Variants in NLRC3 observed in about 807,000 individuals in gnomAD.
NLRC3 encodes NLR family CARD domain containing 3, also known as NLR family CARD domain-containing protein 3.
A neutral mutation model predicts 91.6 loss-of-function variants in NLRC3; 87 were observed. The ratio of observed to expected loss-of-function variants is 0.95; its 90% confidence interval spans 0.80 to 1.14. The LOEUF is 1.14. Ranked by LOEUF, NLRC3 falls within the 50% of genes most tolerant of loss-of-function variation. The pLI is 0.00. For synonymous variants in NLRC3, 694 were observed against 625.3 expected (o/e 1.11, Z -1.64); for missense variants, 1,577 against 1,418.6 (o/e 1.11, Z -1.79).
chr16:3,552,084 T>C, intron 10 of NLRC3, 112 bp downstream of exon 10: 1 of 704,946 alleles, frequency 1.4e-6, no homozygotes, highest in South Asian at 1.7e-5. Flanking sequence ...CATCCATCCA[T>C]TCACCTATCC....
rs531675499 is a variant in NLRC3, at chr16:3,539,877, A to G, written c.*1948T>C. On this transcript the variant is annotated 3_prime_UTR_variant, in exon 20 of 20. Coordinates refer to ENST00000359128, the MANE Select transcript of NLRC3 (RefSeq NM_178844.4). ...TCTCTGTAATCTTTAATTTCACGCT[A>G]TCTGCAATGTTTTGTGTTTTTCATG... The G allele has an allele frequency of 2.0e-5, 3 of 152,178 alleles. No individual in the cohort carries two copies. Among genetic ancestry groups the G allele is most frequent in the African/African-American group, 7.2e-5 (3 of 41,448 alleles). The allele number at this position is 152,178 out of a possible 1,614,324, so 9.4% of individuals were successfully genotyped here.
rs1253546459 is a variant in NLRC3, at chr16:3,561,799, G to C, written c.1929-11C>G. On this transcript the variant is annotated splice_polypyrimidine_tract_variant and intron_variant, in intron 5 of 19. Coordinates refer to ENST00000359128, the MANE Select transcript of NLRC3 (RefSeq NM_178844.4). The stretch of plus-strand genomic sequence containing the variant: ...TGGTTGGTGTCCAGCCTGGCCAAGG[G>C]GAGCAGTGACAGTGAGTGTCCCACC... The C allele has an allele frequency of 6.2e-7, 1 of 1,609,356 alleles. No individual in the cohort carries two copies. Among genetic ancestry groups the C allele is most frequent in the African/African-American group, 1.3e-5 (1 of 74,854 alleles).
At chr16:3,545,800 A>C (rs2038662464) in intron 15 of NLRC3, 1 of 152,250 alleles carries the variant, frequency 6.6e-6, no homozygotes. Flanking sequence ...GGAAGTGAGA[A>C]ATGAGTCCAG....
intron 11 of NLRC3, 55 bp from the exon 12 acceptor site, chr16:3,549,835 G>A: frequency 1.5e-6 from 2 of 1,323,470 alleles, no homozygotes; most frequent in South Asian, 1.3e-5. Flanking sequence ...AGAGGGAGCT[G>A]CCCTGTCCCA....
At chr16:3,562,640 C>CAA (rs973412849) in intron 5 of NLRC3, among the ~76,000 whole-genome samples, 1 of 150,082 alleles carries the variant, frequency 6.7e-6, no homozygotes, top group South Asian at 2.1e-4. Flanking sequence ...GACTCCATCT[C>CAA]AAAAAAAAAG....
Position 3,577,371 on chromosome 16 carries a change from C to T in NLRC3, c.-391G>A. 1.7e-6 allele frequency: 1 copy of T among 577,746 alleles called. No individual in the cohort carries two copies. Among genetic ancestry groups the T allele is most frequent in the Non-Finnish European group, 3.1e-6 (1 of 325,110 alleles). The allele number at this position is 577,746 out of a possible 1,614,324, so 35.8% of individuals were successfully genotyped here. A position where few individuals can be genotyped will look rare whatever the true frequency, so the allele number is the denominator to read the frequency against. ...CAGTGCAGCCCCGACCTTCTGCAGC[C>T]CCACCGAGCCCACCGGCTGTCCCTG... On this transcript the variant is annotated 5_prime_UTR_variant, in exon 1 of 20. Transcript: ENST00000359128.
chr16:3,564,671 G>A lies in NLRC3; in HGVS notation c.266C>T (p.Ser89Phe). 6.2e-7 allele frequency: 1 copy of A among 1,604,360 alleles called. No homozygotes were observed. The highest frequency in any genetic ancestry group is 8.5e-7 in the Non-Finnish European group (1 of 1,179,508). ...CGTCAGGCCCTCCACCAGCAGGAGG[G>A]AGGCCAGCCTGTGCCAGGGTCCGCC... ...ELGGPWHRLA[S>F]LLLVEGLTDL... Residue 89 changes from serine (S) to phenylalanine (F), a missense_variant, in exon 5 of 20, where the codon TCC (serine) becomes TTC (phenylalanine). Transcript: ENST00000359128. This position sits in a 1 kb window ranked among gnomAD's most constrained non-coding sequence, Gnocchi z 5.9.
At position 3,574,778 on chromosome 16, in the gene NLRC3, A is replaced by G. The variant is rs547981158; in HGVS notation, c.-169+2371T>C. On this transcript the variant is annotated intron_variant, in intron 1 of 19. Coordinates refer to ENST00000359128, the MANE Select transcript of NLRC3 (RefSeq NM_178844.4). ...GGAGTTCAAGACCAGCCTGACCAAC[A>G]TGGCGAAACCCCATCTCTACGAAAA... 2.6e-5 allele frequency among the ~76,000 whole-genome samples: 4 copies of G among 152,248 alleles called. No homozygotes were observed. In the East Asian group the frequency reaches 7.8e-4, roughly 30 times the overall value.
At chr16:3,572,630 A>C (rs191803235) in intron 1 of NLRC3, among the ~76,000 whole-genome samples, 48 of 152,324 alleles carry the variant, frequency 3.2e-4, no homozygotes, top group Admixed American at 1.6e-3. Context: ...AGTATAAATT[A>C]GTATAACAAT....
chr16:3,563,359 A>G lies in NLRC3; in HGVS notation c.1578T>C (p.Asn526=). The change falls in exon 5 of 20, where the codon AAT becomes AAC. Residue 526 remains asparagine, a synonymous_variant. Transcript: ENST00000359128. Reference sequence around the variant, plus strand: ...CCAGCAGGGAGCCGGCCAGGAGGGCATTGACCCTCGGAGACAAGAGGCCGG... The same window carrying G: ...CCAGCAGGGAGCCGGCCAGGAGGGCGTTGACCCTCGGAGACAAGAGGCCGG... ...FLSGLLSPRV[N]ALLAGSLLAQ... 1 of 1,589,416 alleles carries G rather than the reference A, an allele frequency of 6.3e-7. No homozygotes were observed. The highest frequency in any genetic ancestry group is 8.6e-7 in the Non-Finnish European group (1 of 1,168,888).
At chr16:3,553,270 T>C (rs1358137442) in intron 9 of NLRC3, among the ~76,000 whole-genome samples, 1 of 152,194 alleles carries the variant, frequency 6.6e-6, no homozygotes, top group Admixed American at 6.6e-5. Flanking sequence ...AATCAGCCTC[T>C]GGCCACTTTC....
intron 15 of NLRC3, among the ~76,000 whole-genome samples, chr16:3,547,146 A>G (rs1331436088): frequency 6.6e-6 from 1 of 152,182 alleles, no homozygotes; most frequent in Non-Finnish European, 1.5e-5. Flanking sequence ...GAACAACCCA[A>G]CGTCCGTCAG....
At chr16:3,548,342 A>G (rs1375583032) in intron 14 of NLRC3, 124 bp from the exon 15 acceptor site, 2 of 761,372 alleles carry the variant, frequency 2.6e-6, no homozygotes, top group South Asian at 1.6e-5. Flanking sequence ...AATTCCTGCA[A>G]CCCCTGCCCA....
rs536232506 is a variant in NLRC3, at chr16:3,560,883, T to C, written c.2015+819A>G. Among the ~76,000 whole-genome samples the C allele has an allele frequency of 2.0e-5, 3 of 151,800 alleles. No individual in the cohort carries two copies. In the East Asian group the frequency reaches 5.9e-4, roughly 30 times the overall value. On this transcript the variant is annotated intron_variant, in intron 6 of 19. Coordinates refer to ENST00000359128, the MANE Select transcript of NLRC3 (RefSeq NM_178844.4). ...ACCGTGTTAGTCAGGATGGTCTCGA[T>C]TTCCTGACCTCGTGATCCACCTGCT...
At chr16:3,576,454 C>G (rs915316678) in intron 1 of NLRC3, among the ~76,000 whole-genome samples, 1 of 152,176 alleles carries the variant, frequency 6.6e-6, no homozygotes, top group South Asian at 2.1e-4. Context: ...AGAGAAGTAG[C>G]CTCCCATGGG....
intron 8 of NLRC3, among the ~76,000 whole-genome samples, chr16:3,556,318 C>CAAAAAAAAAA (rs199528753): frequency 1.3e-4 from 5 of 38,782 alleles, no homozygotes; most frequent in Non-Finnish European, 2.6e-4. Flanking sequence ...GAATCCGTCT[C>CAAAAAAAAAA]AAAAAAAAAA....
chr16:3,542,338 A>T, intron 18 of NLRC3, 64 bp from the exon 19 acceptor site: 1 of 994,860 alleles, frequency 1.0e-6, no homozygotes, highest in South Asian at 1.4e-5. Flanking sequence ...CACCCGGGGA[A>T]GCAACAGTGC....
chr16:3,568,473 C>T (rs952043308), intron 1 of NLRC3, among the ~76,000 whole-genome samples: 5 of 152,174 alleles, frequency 3.3e-5, no homozygotes, highest in Admixed American at 2.6e-4. Context: ...CTTGTCATTC[C>T]AGCACTTTGG....
chr16:3,544,181 A>G, intron 16 of NLRC3, 65 bp downstream of exon 16: 2 of 872,502 alleles, frequency 2.3e-6, no homozygotes, highest in Non-Finnish European at 3.6e-6. Flanking sequence ...AAAAAAAAAG[A>G]CCTCTAACGT....
Sources: allele counts gnomAD v4.1 joint callset (sites outside exome capture counted in the v4.1 genomes callset), GRCh38; gene constraint gnomAD v4.1.1; non-coding constraint Gnocchi (gnomAD v3.1); transcripts MANE v1.5; gene names NCBI Gene and HGNC (gene_info 2026-07-23, HGNC 2026-07-21).